ZC3H14: variants seen among roughly 807,000 people sequenced by gnomAD.
ZC3H14 encodes the protein zinc finger CCCH domain-containing protein 14.
In ZC3H14, 31 loss-of-function variants were observed where a neutral mutation model predicts 92.4. The ratio of observed to expected loss-of-function variants is 0.34; its 90% confidence interval spans 0.25 to 0.45. The LOEUF (loss-of-function observed/expected upper bound fraction) is 0.45, where lower values mean the gene tolerates loss of function less well. Among genes scored for constraint, ZC3H14 ranks in the 20% least tolerant of loss-of-function variants. The probability of loss-of-function intolerance (pLI) is 1.00; values close to 1 mark genes in which losing one functional copy is unlikely to be tolerated. For synonymous variants in ZC3H14, 321 were observed against 300.9 expected, an observed-to-expected ratio of 1.07 and a Z score of -0.69; for missense variants, 781 against 897.3, an observed-to-expected ratio of 0.87 and a Z score of 1.66.
At chr14:88,577,149 A>C (rs2081278729) in intron 8 of ZC3H14, among the ~76,000 whole-genome samples, 2 of 152,106 alleles carry the variant, frequency 1.3e-5, no homozygotes, top group Admixed American at 1.3e-4. Context: ...CTCATCCCTA[A>C]TTTAACCTTG....
At chr14:88,573,158 A>G in intron 6 of ZC3H14, 151 bp downstream of exon 6, 4 of 835,058 alleles carry the variant, frequency 4.8e-6, no homozygotes, top group Non-Finnish European at 7.7e-6. Flanking sequence ...AGGCGGGTGG[A>G]TCACGAGGTC....
chr14:88,594,770 T>C (rs1305496331), intron 9 of ZC3H14: 1 of 1,614,108 alleles, frequency 6.2e-7, no homozygotes, highest in South Asian at 1.1e-5. Flanking sequence ...CTACCAATTT[T>C]TCTTCCACCG....
intron 3 of ZC3H14, among the ~76,000 whole-genome samples, chr14:88,569,909 A>C (rs566168661): frequency 1.3e-5 from 2 of 152,254 alleles, no homozygotes; most frequent in Non-Finnish European, 2.9e-5. Context: ...GACCCAACCC[A>C]TTTGTTACAA....
Position 88,572,200 on chromosome 14 carries a change from C to G in ZC3H14, c.406C>G (p.Gln136Glu), listed in dbSNP as rs759996158. 6.2e-7 allele frequency: 1 copy of G among 1,614,100 alleles called. No individual in the cohort carries two copies. The highest frequency in any genetic ancestry group is 1.1e-5 in the South Asian group (1 of 91,080). Residue 136 changes from glutamine to glutamate, a missense_variant, in exon 5 of 17, where the codon CAG becomes GAG. Transcript: ENST00000251038. ...KRDSRVSTSS[Q>E]ESKTTNVRQT... The stretch of plus-strand genomic sequence containing the variant: ...AGATTCCAGAGTTTCTACAAGTTCG[C>G]AGGAGTCAAAAACCACAAATGTCAG...
At chr14:88,600,966 C>T (rs985643095) in intron 10 of ZC3H14, among the ~76,000 whole-genome samples, 2 of 152,048 alleles carry the variant, frequency 1.3e-5, no homozygotes, top group South Asian at 2.1e-4. Flanking sequence ...GTGCTGTGTT[C>T]GTTTCTCCGA....
intron 12 of ZC3H14, among the ~76,000 whole-genome samples, chr14:88,604,518 CCAA>C (rs569736800): frequency 8.6e-5 from 13 of 152,002 alleles, no homozygotes; most frequent in South Asian, 4.2e-4. Flanking sequence ...AAGGATGCTA[CCAA>C]CAACAACATC....
chr14:88,604,204 T>TG (rs1407891568), intron 12 of ZC3H14, among the ~76,000 whole-genome samples: 1 of 152,184 alleles, frequency 6.6e-6, no homozygotes, highest in Non-Finnish European at 1.5e-5. Context: ...TGAGGCTTTA[T>TG]GGGGTATACA....
At chr14:88,608,907 G>A in intron 13 of ZC3H14, 1 of 276,554 alleles carries the variant, frequency 3.6e-6, no homozygotes, top group South Asian at 4.0e-5. Context: ...AGGAGAGTAT[G>A]GGATGAGTCT....
chr14:88,627,150 A>C lies in ZC3H14; in HGVS notation c.*15399A>C. The C allele has an allele frequency of 1.7e-6, 2 of 1,164,164 alleles. No individual in the cohort carries two copies. The highest frequency in any genetic ancestry group is 1.2e-6 in the Non-Finnish European group (1 of 803,098). 72.1% of individuals were successfully genotyped at this position (1,164,164 alleles called of 1,614,324 possible). A position where few individuals can be genotyped will look rare whatever the true frequency, so the allele number is the denominator to read the frequency against. On this transcript the variant is annotated 3_prime_UTR_variant, in exon 17 of 17. Transcript: ENST00000251038. ...CATAGTTCAAAAAACAAAGGCTTAGAAGAGAGGCCAATGGCCCCTGCTCTA... is the reference window on the plus strand; with the variant it reads ...CATAGTTCAAAAAACAAAGGCTTAGCAGAGAGGCCAATGGCCCCTGCTCTA...
In ZC3H14 at chr14:88,574,774, G is replaced by A. The variant is rs755282798; in HGVS notation, c.943G>A (p.Glu315Lys). The change falls in exon 7 of 17, where the codon GAG (glutamate) becomes AAG (lysine). Residue 315 changes from glutamate (E) to lysine (K), a missense_variant. By Grantham distance (56) the Glu-to-Lys change is moderately conservative. Around this residue, in one of 3 missense-constraint regions of ZC3H14, gnomAD observed 454 missense variants for 438.5 expected, o/e 1.04. Transcript: ENST00000251038. ...VKKFNHDGEEEEEDDDYGSRT... is the reference protein window; with the variant it reads ...VKKFNHDGEEKEEDDDYGSRT... The stretch of plus-strand genomic sequence containing the variant: ...AAAATTCAATCATGATGGAGAAGAG[G>A]AGGAAGAAGATGATGATTACGGGTC... 1 of 1,614,164 alleles carries A rather than the reference G, an allele frequency of 6.2e-7. No individual in the cohort carries two copies. Among genetic ancestry groups the A allele is most frequent in the East Asian group, 2.2e-5 (1 of 44,878 alleles).
Position 88,621,206 on chromosome 14 carries a change from C to G in ZC3H14, c.*9455C>G. The G allele has an allele frequency of 6.2e-7, 1 of 1,613,916 alleles. No homozygotes were observed. The highest frequency in any genetic ancestry group is 8.5e-7 in the Non-Finnish European group (1 of 1,179,860). The stretch of plus-strand genomic sequence containing the variant: ...GATGTGTTGCTAGTCCCCAGATTGG[C>G]CCATCCACATGACCGTTAACTAAAA... On this transcript the variant is annotated 3_prime_UTR_variant, in exon 17 of 17. Coordinates refer to ENST00000251038, the MANE Select transcript of ZC3H14 (RefSeq NM_024824.5).
In ZC3H14 at chr14:88,575,157, C is replaced by G. The variant is rs147699898; in HGVS notation, c.1022+304C>G. 5.6e-3 allele frequency among the ~76,000 whole-genome samples: 852 copies of G among 152,060 alleles called. 8 individuals are homozygous for G. The highest frequency in any genetic ancestry group is 0.02 in the African/African-American group (824 of 41,492). ...TCACCATGTTGGACCAGGCTGGTCT[C>G]GAACTCCTGACCTCAGGTGATCTGC... is the stretch of plus-strand genomic sequence containing the variant. On this transcript the variant is annotated intron_variant, in intron 7 of 16. Transcript: ENST00000251038.
At position 88,618,902 on chromosome 14, in the gene ZC3H14, AGT is replaced by A; in HGVS notation, c.*7152_*7153del. On this transcript the variant is annotated 3_prime_UTR_variant, in exon 17 of 17. Coordinates refer to ENST00000251038, the MANE Select transcript of ZC3H14 (RefSeq NM_024824.5). ...TGACTTTTCCTTTCTAGTTCTTAAA[AGT>A]AACGTGTGATAAGGCCTCAAATAGA... is the stretch of plus-strand genomic sequence containing the variant. 7.3e-7 allele frequency: 1 copy of A among 1,365,232 alleles called. No homozygotes were observed. Among genetic ancestry groups the A allele is most frequent in the Non-Finnish European group, 9.8e-7 (1 of 1,023,348 alleles). 84.6% of individuals were successfully genotyped at this position (1,365,232 alleles called of 1,614,324 possible).
intron 2 of ZC3H14, among the ~76,000 whole-genome samples, chr14:88,565,087 T>C (rs1414634134): frequency 2.0e-5 from 3 of 152,172 alleles, no homozygotes; most frequent in Non-Finnish European, 2.9e-5. Flanking sequence ...TTTCACAGCT[T>C]CCCAGTACTT....
At position 88,616,740 on chromosome 14, in the gene ZC3H14, A is replaced by T. The variant is rs2087684134; in HGVS notation, c.*4989A>T. ...CACAAACTTACAAATTTTTCTGGACATGGGAAGTCAAATAACTTAACCATG... is the reference window on the plus strand; with the variant it reads ...CACAAACTTACAAATTTTTCTGGACTTGGGAAGTCAAATAACTTAACCATG... On this transcript the variant is annotated 3_prime_UTR_variant, in exon 17 of 17. Transcript: ENST00000251038. The T allele has an allele frequency of 3.1e-6, 5 of 1,613,354 alleles. No homozygotes were observed. The highest frequency in any genetic ancestry group is 4.2e-6 in the Non-Finnish European group (5 of 1,179,596).
chr14:88,576,715 C>CCT (rs2081205835), intron 8 of ZC3H14, among the ~76,000 whole-genome samples: 1 of 152,114 alleles, frequency 6.6e-6, no homozygotes, highest in Non-Finnish European at 1.5e-5. Context: ...ACAGCATTGC[C>CCT]CTGCTTATCC....
At chr14:88,601,243 A>C (rs1018333243) in intron 10 of ZC3H14, among the ~76,000 whole-genome samples, 3 of 152,170 alleles carry the variant, frequency 2.0e-5, no homozygotes, top group Non-Finnish European at 4.4e-5. Context: ...TTTGGTCTCT[A>C]AGCTTTAAAA....
chr14:88,596,984 A>C (rs1008755869), intron 10 of ZC3H14, among the ~76,000 whole-genome samples, 176 bp downstream of exon 10: 4 of 152,138 alleles, frequency 2.6e-5, no homozygotes, highest in African/African-American at 9.7e-5. Context: ...CATGTTATAT[A>C]GTGTTATAAT....
chr14:88,572,814 C>T lies in ZC3H14; in HGVS notation c.668C>T (p.Ala223Val). The T allele has an allele frequency of 6.2e-7, 1 of 1,614,148 alleles. No homozygotes were observed. The highest frequency in any genetic ancestry group is 1.6e-4 in the Middle Eastern group (1 of 6,062). ...TATCGACCACCTGCAAGTAGAAATGCAGATAGTGGTGTTCATTTAAACAGG... is the reference window on the plus strand; with the variant it reads ...TATCGACCACCTGCAAGTAGAAATGTAGATAGTGGTGTTCATTTAAACAGG... ...EIYRPPASRN[A>V]DSGVHLNRLQ... Residue 223 changes from alanine (A) to valine (V), a missense_variant, in exon 6 of 17, where the codon GCA (alanine) becomes GTA (valine). Transcript: ENST00000251038.
Sources: allele counts gnomAD v4.1 joint callset (sites outside exome capture counted in the v4.1 genomes callset), GRCh38; gene constraint gnomAD v4.1.1; regional missense constraint gnomAD v4.1.1; transcripts MANE v1.5; gene names NCBI Gene and HGNC (gene_info 2026-07-23, HGNC 2026-07-21).